Variants in FAM177A1 observed in about 807,000 individuals in gnomAD.
The protein encoded by FAM177A1 is protein FAM177A1.
Under a neutral mutation model 26.1 loss-of-function variants are expected in FAM177A1, and 22 were observed. The ratio of observed to expected loss-of-function variants is 0.84; its 90% CI spans 0.60 to 1.20. The LOEUF (loss-of-function observed/expected upper bound fraction) is 1.20, where lower values mean the gene tolerates loss of function less well. FAM177A1 is among the 50% of genes most tolerant of loss of function. The pLI, the probability that FAM177A1 is intolerant of heterozygous loss-of-function variation, is 0.00. For missense variants in FAM177A1, 296 were observed against 291.1 expected (o/e 1.02, Z -0.12); for synonymous variants, 95 against 99.3 (o/e 0.96, Z 0.26).
chr14:35,078,865 A>C (rs2045435981), intron 3 of FAM177A1, 62 bp from the exon 4 acceptor site: 3 of 1,222,224 alleles, frequency 2.5e-6, no homozygotes, highest in Non-Finnish European at 3.3e-6. Context: ...TGTCTTACAC[A>C]TAGAAAGTGC....
At position 35,046,379 on chromosome 14, in the gene FAM177A1, G is replaced by C. The variant is rs535170003; in HGVS notation, c.-85G>C. On this transcript the variant is annotated 5_prime_UTR_variant, in exon 1 of 5. Transcript: ENST00000280987. ...AGTCCCCTTCTCAGAGACTTGGCTA[G>C]GCGCGGCGCGAGGCGGGCGCTGGGC... 1.1e-5 allele frequency: 15 copies of C among 1,335,974 alleles called. No homozygotes were observed. The South Asian group carries it at 2.1e-4, about 18-fold the overall frequency. 82.8% of individuals were successfully genotyped at this position (1,335,974 alleles called of 1,614,324 possible).
chr14:35,055,692 A>G (rs1595040653), intron 2 of FAM177A1, among the ~76,000 whole-genome samples: 2 of 152,200 alleles, frequency 1.3e-5, no homozygotes, highest in East Asian at 3.9e-4. Flanking sequence ...TGCTGGGATT[A>G]CAGGCATGAG....
intron 2 of FAM177A1, among the ~76,000 whole-genome samples, chr14:35,069,294 T>C (rs529086168): frequency 7.2e-5 from 11 of 151,744 alleles, no homozygotes; most frequent in Non-Finnish European, 1.2e-4. Context: ...GGTTTTTTTT[T>C]TTTTTTTTGA....
In FAM177A1 at chr14:35,046,559, G is replaced by C. The variant is rs747752812; in HGVS notation, c.96G>C (p.Val32=). The change falls in exon 1 of 5, where the codon GTG becomes GTC. Residue 32 remains valine (V), a synonymous_variant. Coordinates refer to ENST00000280987, the MANE Select transcript of FAM177A1 (RefSeq NM_173607.5). ...TGGACCAGGAGCCAGTGGGCGGTGT[G>C]GAACGAGGAGAAGCCGTCGCAGCCT... The part of the protein sequence containing the change: ...TTMDQEPVGG[V]ERGEAVAASG... 2 of 1,584,738 alleles carry C rather than the reference G, an allele frequency of 1.3e-6. No homozygotes were observed. The highest frequency in any genetic ancestry group is 1.7e-6 in the Non-Finnish European group (2 of 1,168,114).
intron 2 of FAM177A1, among the ~76,000 whole-genome samples, chr14:35,070,972 A>G (rs1459023116): frequency 6.6e-6 from 1 of 151,316 alleles, no homozygotes; most frequent in Non-Finnish European, 1.5e-5. Flanking sequence ...TTTTTCTTAT[A>G]TTGACCTCCA....
chr14:35,059,677 A>G (rs2045119714), intron 2 of FAM177A1, among the ~76,000 whole-genome samples: 1 of 149,782 alleles, frequency 6.7e-6, no homozygotes, highest in African/African-American at 2.5e-5. Context: ...GGGATTACAG[A>G]TGCACGCCAC....
chr14:35,066,707 A>G (rs1347520084), intron 2 of FAM177A1, among the ~76,000 whole-genome samples: 3 of 151,670 alleles, frequency 2.0e-5, no homozygotes, highest in African/African-American at 4.8e-5. Context: ...GCCTGGCCAT[A>G]AAAGAGCATC....
At chr14:35,048,552 T>C (rs1163210411) in intron 1 of FAM177A1, among the ~76,000 whole-genome samples, 2 of 148,958 alleles carry the variant, frequency 1.3e-5, no homozygotes, top group Non-Finnish European at 3.0e-5. Context: ...CAATATTATA[T>C]ATTTCTTATA....
intron 2 of FAM177A1, among the ~76,000 whole-genome samples, chr14:35,057,885 A>T (rs2045087163): frequency 6.6e-6 from 1 of 152,066 alleles, no homozygotes; most frequent in Middle Eastern, 3.2e-3. Flanking sequence ...CGTTTGTTTT[A>T]TAGCCTGCCT....
intron 2 of FAM177A1, among the ~76,000 whole-genome samples, chr14:35,067,193 C>A (rs750770732): frequency 6.6e-6 from 1 of 152,124 alleles, no homozygotes; most frequent in Non-Finnish European, 1.5e-5. Flanking sequence ...TCCCCATTTC[C>A]CCTTAACCCC....
chr14:35,076,027 A>G (rs2045389261), intron 2 of FAM177A1, among the ~76,000 whole-genome samples: 1 of 152,218 alleles, frequency 6.6e-6, no homozygotes, highest in African/African-American at 2.4e-5. Context: ...TGTGGAAGAC[A>G]GTGTGGCGAT....
intron 2 of FAM177A1, among the ~76,000 whole-genome samples, chr14:35,067,867 A>C (rs952318582): frequency 1.3e-5 from 2 of 152,056 alleles, no homozygotes; most frequent in Non-Finnish European, 2.9e-5. Flanking sequence ...CTAGTTTTTA[A>C]TTAGGTTGTT....
chr14:35,046,268 T>C (rs2044858829), upstream of FAM177A1: 4 of 534,132 alleles, frequency 7.5e-6, no homozygotes, highest in Non-Finnish European at 1.2e-5. Context: ...TAGTTGCGCC[T>C]CCCAGACTGC....
At chr14:35,045,841 C>G (rs1423688413), upstream of FAM177A1, 2 of 152,236 alleles carry the variant, frequency 1.3e-5, no homozygotes, top group Non-Finnish European at 2.9e-5. Context: ...TTTCACTTAA[C>G]ACTTTCTACA....
chr14:35,072,925 G>A (rs569602461), intron 2 of FAM177A1, among the ~76,000 whole-genome samples: 2 of 152,252 alleles, frequency 1.3e-5, no homozygotes, highest in East Asian at 3.9e-4. Context: ...CTGTGAAGAT[G>A]TGCACAACAC....
intron 1 of FAM177A1, among the ~76,000 whole-genome samples, chr14:35,049,664 A>G (rs1860723035): frequency 6.6e-6 from 1 of 152,198 alleles, no homozygotes; most frequent in Non-Finnish European, 1.5e-5. Flanking sequence ...TCACGCCTGT[A>G]GTCCCAGCTA....
chr14:35,078,799 A>G (rs2045434855), intron 3 of FAM177A1, 128 bp from the exon 4 acceptor site: 3 of 584,166 alleles, frequency 5.1e-6, no homozygotes, highest in South Asian at 3.2e-5. Flanking sequence ...AGATAGATCT[A>G]TTAGGTTTTT....
intron 2 of FAM177A1, among the ~76,000 whole-genome samples, chr14:35,058,022 C>G (rs1355351938): frequency 6.6e-6 from 1 of 151,904 alleles, no homozygotes; most frequent in African/African-American, 2.4e-5. Context: ...CTTTCTGTTT[C>G]CTTGCTGATC....
At chr14:35,068,602 A>G (rs1459206043) in intron 2 of FAM177A1, among the ~76,000 whole-genome samples, 1 of 152,218 alleles carries the variant, frequency 6.6e-6, no homozygotes, top group African/African-American at 2.4e-5. Flanking sequence ...ATTTTCTACT[A>G]AGGCCACAGC....
Sources: allele counts gnomAD v4.1 joint callset (sites outside exome capture counted in the v4.1 genomes callset), GRCh38; gene constraint gnomAD v4.1.1; transcripts MANE v1.5; gene names NCBI Gene and HGNC (gene_info 2026-07-23, HGNC 2026-07-21).